The following KCND2 variants were observed in gnomAD, a reference collection of about 807,000 sequenced individuals.
The protein encoded by KCND2 is potassium voltage-gated channel subfamily D member 2.
KCND2 carries 16 observed loss-of-function variants against 54.4 expected under a neutral mutation model. The ratio of observed to expected loss-of-function variants is 0.29; its 90% CI spans 0.20 to 0.45. The LOEUF is 0.45. Ranked by LOEUF, KCND2 falls within the 20% of genes least tolerant of loss-of-function variation. KCND2 has a pLI of 1.00. For synonymous variants in KCND2, 317 were observed against 310.7 expected, an observed-to-expected ratio of 1.02 and a Z score of -0.21; for missense variants, 486 against 824.2, an observed-to-expected ratio of 0.59 and a Z score of 5.02.
intron 1 of KCND2, among the ~76,000 whole-genome samples, chr7:120,327,341 T>G (rs7792980): frequency 0.67 from 101,599 of 151,924 alleles, 38,409 homozygotes; most frequent in South Asian, 0.91. Flanking sequence ...AGGAGGAAAC[T>G]TAATTATTAC....
At chr7:120,584,599 C>T (rs1350227989) in intron 1 of KCND2, among the ~76,000 whole-genome samples, 6 of 152,226 alleles carry the variant, frequency 3.9e-5, no homozygotes, top group African/African-American at 1.4e-4. Flanking sequence ...TGCAGAACAT[C>T]TTCATGTCAG....
intron 1 of KCND2, among the ~76,000 whole-genome samples, chr7:120,713,929 C>G (rs1301599001): frequency 6.6e-6 from 1 of 152,126 alleles, no homozygotes; most frequent in Non-Finnish European, 1.5e-5. Context: ...CAGATACAAA[C>G]AAGCTCAGTA....
At chr7:120,373,130 C>T (rs1800786082) in intron 1 of KCND2, among the ~76,000 whole-genome samples, 1 of 151,888 alleles carries the variant, frequency 6.6e-6, no homozygotes, top group East Asian at 1.9e-4. Flanking sequence ...TTATTAAATT[C>T]AGGATATAAC....
intron 1 of KCND2, among the ~76,000 whole-genome samples, chr7:120,475,664 G>A (rs940072173): frequency 5.9e-5 from 9 of 152,128 alleles, no homozygotes. Context: ...TGGAAGGAAT[G>A]CCTTTTTGCT....
At chr7:120,688,994 C>T (rs1283455953) in intron 1 of KCND2, among the ~76,000 whole-genome samples, 1 of 152,088 alleles carries the variant, frequency 6.6e-6, no homozygotes, top group Admixed American at 6.6e-5. Context: ...AAAGAAGACT[C>T]CACATACTCA....
At chr7:120,361,652 A>G (rs924926470) in intron 1 of KCND2, among the ~76,000 whole-genome samples, 1 of 152,072 alleles carries the variant, frequency 6.6e-6, no homozygotes, top group African/African-American at 2.4e-5. Flanking sequence ...GAAGGCCATG[A>G]TAGAACTTTG....
chr7:120,658,112 A>G (rs1791824727), intron 1 of KCND2, among the ~76,000 whole-genome samples: 2 of 152,204 alleles, frequency 1.3e-5, no homozygotes, highest in South Asian at 2.1e-4. Context: ...TGATTAATAC[A>G]TCTAATCAGC....
Position 120,274,457 on chromosome 7 carries a change from T to C in KCND2, c.-176T>C. Reference sequence around the variant, plus strand: ...CAAATACCTGTCTTGGAGGGAAAGTTGCCCTTCTGAGAACTGTGACTTTAC... The same window carrying C: ...CAAATACCTGTCTTGGAGGGAAAGTCGCCCTTCTGAGAACTGTGACTTTAC... On this transcript the variant is annotated 5_prime_UTR_variant, in exon 1 of 6. Coordinates refer to ENST00000331113, the MANE Select transcript of KCND2 (RefSeq NM_012281.3). The C allele has an allele frequency of 4.2e-6, 3 of 721,118 alleles. No homozygotes were observed. Among genetic ancestry groups the C allele is most frequent in the Non-Finnish European group, 4.9e-6 (2 of 405,004 alleles). The allele number at this position is 721,118 out of a possible 1,614,324, so 44.7% of individuals were successfully genotyped here. A position where few individuals can be genotyped will look rare whatever the true frequency, so the allele number is the denominator to read the frequency against.
At chr7:120,486,528 A>T (rs886494050) in intron 1 of KCND2, among the ~76,000 whole-genome samples, 1 of 152,120 alleles carries the variant, frequency 6.6e-6, no homozygotes, top group Non-Finnish European at 1.5e-5. Context: ...CCAGAGGTTT[A>T]CTTTCCTAAA....
chr7:120,437,490 C>T (rs867157288), intron 1 of KCND2, among the ~76,000 whole-genome samples: 6 of 152,200 alleles, frequency 3.9e-5, no homozygotes, highest in Middle Eastern at 6.8e-3. Context: ...GCATAAGCCA[C>T]TGTGCCCAGC....
intron 1 of KCND2, among the ~76,000 whole-genome samples, chr7:120,508,392 C>G (rs1347432732): frequency 1.3e-5 from 2 of 151,748 alleles, no homozygotes; most frequent in Non-Finnish European, 2.9e-5. Context: ...TTTGTAGCAT[C>G]CCAGATGAGA....
At chr7:120,538,964 C>A (rs556836787) in intron 1 of KCND2, among the ~76,000 whole-genome samples, 1 of 152,190 alleles carries the variant, frequency 6.6e-6, no homozygotes, top group East Asian at 1.9e-4. Flanking sequence ...GAAAATGGTG[C>A]TCATTAGTCC....
intron 1 of KCND2, among the ~76,000 whole-genome samples, chr7:120,310,934 CAAAA>C (rs1023300696): frequency 3.4e-5 from 2 of 58,124 alleles, no homozygotes; most frequent in Non-Finnish European, 7.6e-5. Flanking sequence ...AGACTCTGTC[CAAAA>C]AAAAAAAAAA....
intron 1 of KCND2, among the ~76,000 whole-genome samples, chr7:120,443,814 G>C (rs1801980174): frequency 6.6e-6 from 1 of 151,860 alleles, no homozygotes; most frequent in Non-Finnish European, 1.5e-5. Flanking sequence ...ACAACATTTT[G>C]CTGTGTGTCA....
intron 1 of KCND2, among the ~76,000 whole-genome samples, chr7:120,622,189 G>A (rs1793107619): frequency 6.6e-6 from 1 of 152,034 alleles, no homozygotes; most frequent in Non-Finnish European, 1.5e-5. Context: ...TGTTATGCGG[G>A]ATTTTAATCA....
At chr7:120,365,912 A>C (rs1330465292) in intron 1 of KCND2, among the ~76,000 whole-genome samples, 2 of 152,176 alleles carry the variant, frequency 1.3e-5, no homozygotes, top group Non-Finnish European at 2.9e-5. Flanking sequence ...CATAAGAATA[A>C]AATGAGATAT....
intron 1 of KCND2, among the ~76,000 whole-genome samples, chr7:120,341,957 A>G (rs979265016): frequency 1.3e-5 from 2 of 152,166 alleles, no homozygotes; most frequent in African/African-American, 4.8e-5. Flanking sequence ...CTATAGTAAC[A>G]ATAGAAGTGG....
At chr7:120,360,866 A>G (rs762318370) in intron 1 of KCND2, among the ~76,000 whole-genome samples, 5 of 152,148 alleles carry the variant, frequency 3.3e-5, no homozygotes, top group Admixed American at 1.3e-4. Context: ...TTACTTCATC[A>G]GAGACTTGAT....
chr7:120,674,806 T>C (rs1031438785), intron 1 of KCND2, among the ~76,000 whole-genome samples: 1 of 152,216 alleles, frequency 6.6e-6, no homozygotes, highest in African/African-American at 2.4e-5. Flanking sequence ...TTATATTACT[T>C]ATATTCTACC....
Sources: gnomAD v4.1 joint callset for allele counts (sites outside exome capture counted in the v4.1 genomes callset) on GRCh38, gnomAD v4.1.1 for gene constraint, MANE v1.5 for transcripts, NCBI Gene and HGNC (gene_info 2026-07-23, HGNC 2026-07-21) for gene names.